C14orf93: variants seen among roughly 807,000 people sequenced by gnomAD.
The protein encoded by C14orf93 is uncharacterized protein C14orf93.
A neutral mutation model predicts 44.0 loss-of-function variants in C14orf93; 23 were observed. The observed-to-expected ratio is 0.52, with a 90% CI of 0.38 to 0.74. C14orf93 has a LOEUF of 0.74. C14orf93 is among the 30% of genes least tolerant of loss of function. The pLI is 0.00. For synonymous variants in C14orf93, 253 were observed against 265.7 expected (o/e 0.95, Z 0.46); for missense variants, 579 against 678.9 (o/e 0.85, Z 1.64).
intron 1 of C14orf93, among the ~76,000 whole-genome samples, chr14:23,003,904 T>TTG (rs2046482378): frequency 2.8e-5 from 1 of 36,352 alleles, no homozygotes; most frequent in African/African-American, 1.5e-4. Context: ...ATATATTTTT[T>TTG]TTTTTTTTTT....
At chr14:23,005,446 T>A (rs368709316) in intron 1 of C14orf93, 2 of 152,020 alleles carry the variant, frequency 1.3e-5, no homozygotes, top group Non-Finnish European at 2.9e-5. Context: ...CTCGGCAGCA[T>A]AGCAAGACCC....
intron 3 of C14orf93, among the ~76,000 whole-genome samples, chr14:22,990,707 G>C (rs1161625257): frequency 1.3e-5 from 2 of 151,882 alleles, no homozygotes; most frequent in Non-Finnish European, 2.9e-5. Flanking sequence ...GATCTCAGGT[G>C]ATCTGCCCGC....
At chr14:22,992,204 G>C (rs974532981) in intron 3 of C14orf93, among the ~76,000 whole-genome samples, 4 of 152,096 alleles carry the variant, frequency 2.6e-5, no homozygotes, top group African/African-American at 9.7e-5. Context: ...GGTGGCTCAT[G>C]CCTGTAATCC....
intron 2 of C14orf93, among the ~76,000 whole-genome samples, chr14:22,997,337 A>C (rs967584806): frequency 6.6e-6 from 1 of 152,176 alleles, no homozygotes; most frequent in African/African-American, 2.4e-5. Context: ...TCTCAGATCC[A>C]GCAGATGGGC....
chr14:23,008,172 A>C (rs1212798844), intron 1 of C14orf93, among the ~76,000 whole-genome samples: 17 of 136,958 alleles, frequency 1.2e-4, no homozygotes, highest in Admixed American at 1.1e-3. Flanking sequence ...AAAAAAAAAA[A>C]AAAAAAAACT....
chr14:22,987,873 G>T lies in C14orf93; in HGVS notation c.1197+30C>A. The T allele has an allele frequency of 6.5e-7, 1 of 1,546,868 alleles. No homozygotes were observed. The highest frequency in any genetic ancestry group is 8.9e-7 in the Non-Finnish European group (1 of 1,120,154). On this transcript the variant is annotated intron_variant, in intron 6 of 6. Transcript: ENST00000299088. This position sits in a 1 kb window ranked among gnomAD's most constrained non-coding sequence, Gnocchi z 5.6. Reference sequence around the variant, plus strand: ...CACTTAGGAAAGGGTTTAGAGTTTAGTATCTTGAAAGAAAGGCCTAGAAAC... The same window carrying T: ...CACTTAGGAAAGGGTTTAGAGTTTATTATCTTGAAAGAAAGGCCTAGAAAC...
In C14orf93 at chr14:22,996,072, A is replaced by G; in HGVS notation, c.794T>C (p.Leu265Ser). The G allele has an allele frequency of 6.2e-7, 1 of 1,614,074 alleles. No individual in the cohort carries two copies. Among genetic ancestry groups the G allele is most frequent in the Non-Finnish European group, 8.5e-7 (1 of 1,180,008 alleles). Residue 265 changes from leucine (L) to serine (S), a missense_variant, in exon 3 of 7, where the codon TTG becomes TCG. Coordinates refer to ENST00000299088, the MANE Select transcript of C14orf93 (RefSeq NM_021944.4). The surrounding 1 kb of genome is among the most constrained non-coding windows in gnomAD (Gnocchi z 4.1). Reference sequence around the variant, plus strand: ...AGTGCTCCCAGGGCCTGACTCTTCCAAGGCACTGTCCAGCGCAGCAGCGGC... The same window carrying G: ...AGTGCTCCCAGGGCCTGACTCTTCCGAGGCACTGTCCAGCGCAGCAGCGGC... ...LNAAAALDSA[L>S]EESGPGSTGE...
chr14:22,989,772 G>A lies in C14orf93; in HGVS notation c.1054C>T (p.Pro352Ser). 1.9e-6 allele frequency: 3 copies of A among 1,613,874 alleles called. No individual in the cohort carries two copies. Among genetic ancestry groups the A allele is most frequent in the Non-Finnish European group, 2.5e-6 (3 of 1,179,776 alleles). ...EKLKQELVTS[P>S]HNYTDKELKG... ...AGCTCCTTATCAGTGTAATTGTGGGGACTGGTCACCAGCTCTTGCTTGAGC... is the reference window on the plus strand; with the variant it reads ...AGCTCCTTATCAGTGTAATTGTGGGAACTGGTCACCAGCTCTTGCTTGAGC... The change falls in exon 5 of 7, where the codon CCC (proline) becomes TCC (serine). Residue 352 changes from proline (P) to serine (S), a missense_variant. Coordinates refer to ENST00000299088, the MANE Select transcript of C14orf93 (RefSeq NM_021944.4).
At chr14:23,005,989 G>C (rs2046602710) in intron 1 of C14orf93, 1 of 149,590 alleles carries the variant, frequency 6.7e-6, no homozygotes, top group South Asian at 2.1e-4. Flanking sequence ...AAAAATAAAA[G>C]TTTTCTCACT....
At position 22,998,448 on chromosome 14, in the gene C14orf93, C is replaced by T; in HGVS notation, c.576G>A (p.Glu192=). 6.3e-7 allele frequency: 1 copy of T among 1,582,066 alleles called. No individual in the cohort carries two copies. The highest frequency in any genetic ancestry group is 8.6e-7 in the Non-Finnish European group (1 of 1,162,118). ...TCACAGGATTGAGCAGGGGGGCCGC[C>T]TCGCTGGCAGCCAGCGTGCACCCTG... ...RLPGCTLAAS[E]AAPLLNPLVD... Residue 192 remains glutamate, a synonymous_variant, in exon 2 of 7, where the codon GAG becomes GAA. Coordinates refer to ENST00000299088, the MANE Select transcript of C14orf93 (RefSeq NM_021944.4).
At chr14:22,992,258 G>A (rs1341296524) in intron 3 of C14orf93, among the ~76,000 whole-genome samples, 3 of 151,960 alleles carry the variant, frequency 2.0e-5, no homozygotes, top group Non-Finnish European at 2.9e-5. Context: ...CTGAGGTCAG[G>A]AGCTCGAGAC....
rs2045478732 is a variant in C14orf93, at chr14:22,989,751, C to T, written c.1075G>A (p.Glu359Lys). The T allele has an allele frequency of 6.2e-7, 1 of 1,612,254 alleles. No individual in the cohort carries two copies. The highest frequency in any genetic ancestry group is 8.5e-7 in the Non-Finnish European group (1 of 1,178,262). The stretch of plus-strand genomic sequence containing the variant: ...AACCAGTTTTTCTCACCTTTTAGCT[C>T]CTTATCAGTGTAATTGTGGGGACTG... The part of the protein sequence containing the change: ...VTSPHNYTDK[E>K]LKGACVAYFL... Residue 359 changes from glutamate (E) to lysine (K), a missense_variant, in exon 5 of 7, where the codon GAG becomes AAG. By Grantham distance (56) the Glu-to-Lys change is moderately conservative. Transcript: ENST00000299088.
rs575344242 is a variant in C14orf93 at position 22,998,480 on chromosome 14, G to A, written c.544C>T (p.Arg182Trp). The A allele has an allele frequency of 7.6e-5, 122 of 1,605,042 alleles. 1 individual carries two copies. In the South Asian group the frequency reaches 1.1e-3, roughly 15 times the overall value. ...GCAGCCAGCGTGCACCCTGGGAGCCGCATGTCCCTCTGAGTTGCTGGGAAG... is the reference window on the plus strand; with the variant it reads ...GCAGCCAGCGTGCACCCTGGGAGCCACATGTCCCTCTGAGTTGCTGGGAAG... ...LGFPATQRDM[R>W]LPGCTLAASE... is the part of the protein sequence containing the mutation. The change falls in exon 2 of 7, where the codon CGG becomes TGG. Residue 182 changes from arginine to tryptophan, a missense_variant. Transcript: ENST00000299088.
rs375991832 is a variant in C14orf93, at chr14:22,987,192, A to G, written c.*23T>C. ...TGAGACATGGGGCATGGCGGAAGCCAGAGTTATTCTTGGCTGTAGATTTTA... is the reference window on the plus strand; with the variant it reads ...TGAGACATGGGGCATGGCGGAAGCCGGAGTTATTCTTGGCTGTAGATTTTA... On this transcript the variant is annotated 3_prime_UTR_variant, in exon 7 of 7. Coordinates refer to ENST00000299088, the MANE Select transcript of C14orf93 (RefSeq NM_021944.4). The surrounding 1 kb of genome is among the most constrained non-coding windows in gnomAD (Gnocchi z 5.6). The G allele has an allele frequency of 3.8e-6, 6 of 1,585,604 alleles. No homozygotes were observed. The highest frequency in any genetic ancestry group is 1.3e-5 in the African/African-American group (1 of 74,366).
In C14orf93 at chr14:22,998,479, C is replaced by T. The variant is rs779321297; in HGVS notation, c.545G>A (p.Arg182Gln). The change falls in exon 2 of 7, where the codon CGG (arginine) becomes CAG (glutamine). Residue 182 changes from arginine (R) to glutamine (Q), a missense_variant. Transcript: ENST00000299088. ...LGFPATQRDM[R>Q]LPGCTLAASE... is the part of the protein sequence containing the mutation. The stretch of plus-strand genomic sequence containing the variant: ...GGCAGCCAGCGTGCACCCTGGGAGC[C>T]GCATGTCCCTCTGAGTTGCTGGGAA... 1.2e-5 allele frequency: 19 copies of T among 1,610,276 alleles called. No individual in the cohort carries two copies. Among genetic ancestry groups the T allele is most frequent in the Admixed American group, 3.3e-5 (2 of 59,720 alleles).
chr14:23,003,894 A>C (rs1422217866), intron 1 of C14orf93, among the ~76,000 whole-genome samples: 1 of 12,140 alleles, frequency 8.2e-5, no homozygotes, highest in Non-Finnish European at 1.2e-4. Flanking sequence ...ATATATATAT[A>C]TATATTTTTT....
At position 22,998,984 on chromosome 14, in the gene C14orf93, C is replaced by T. The variant is rs746152449; in HGVS notation, c.40G>A (p.Gly14Ser). The T allele has an allele frequency of 1.9e-6, 3 of 1,613,000 alleles. No individual in the cohort carries two copies. The African/African-American group carries it at 4.0e-5, about 22-fold the overall frequency. ...SATILFSPPS[G>S]SEARCCCCAC... ...CAGCAGCAGCATCTGGCCTCGCTGC[C>T]ACTGGGAGGGGAGAAGAGAATGGTG... The change falls in exon 2 of 7, where the codon GGC becomes AGC. Residue 14 changes from glycine to serine, a missense_variant. Coordinates refer to ENST00000299088, the MANE Select transcript of C14orf93 (RefSeq NM_021944.4).
At chr14:22,990,643 T>C (rs976928375) in intron 3 of C14orf93, among the ~76,000 whole-genome samples, 14 of 151,808 alleles carry the variant, frequency 9.2e-5, no homozygotes, top group African/African-American at 3.4e-4. Context: ...CTAATTTTTG[T>C]ATTTTTGTAG....
intron 1 of C14orf93, among the ~76,000 whole-genome samples, chr14:23,008,502 T>G (rs1566705056): frequency 6.6e-6 from 1 of 152,344 alleles, no homozygotes; most frequent in Admixed American, 6.5e-5. Context: ...TAATGAAATT[T>G]AAATTCTACA....
Sources: gnomAD v4.1 joint callset for allele counts (sites outside exome capture counted in the v4.1 genomes callset) on GRCh38, gnomAD v4.1.1 for gene constraint, Gnocchi (gnomAD v3.1) non-coding constraint, MANE v1.5 for transcripts, NCBI Gene and HGNC (gene_info 2026-07-23, HGNC 2026-07-21) for gene names.